SMARCA2: variants seen among roughly 807,000 people sequenced by gnomAD.
SMARCA2 encodes SWI/SNF-related matrix-associated actin-dependent regulator of chromatin subfamily A member 2.
In SMARCA2, 61 loss-of-function variants were observed where a neutral mutation model predicts 199.8. That is an observed-to-expected ratio of 0.31 (90% CI 0.25 to 0.38). The LOEUF (loss-of-function observed/expected upper bound fraction) is 0.38, where lower values mean the gene tolerates loss of function less well. SMARCA2 is among the 10% of genes least tolerant of loss of function. The pLI is 1.00. For synonymous variants in SMARCA2, 935 were observed against 732.0 expected (o/e 1.28, Z -4.48); for missense variants, 1,344 against 2,012.2 (o/e 0.67, Z 6.35).
In SMARCA2 at chr9:2,115,518, T is replaced by C. The variant is rs946826686; in HGVS notation, c.3457-304T>C. 6.6e-6 allele frequency among the ~76,000 whole-genome samples: 1 copy of C among 152,222 alleles called. No homozygotes were observed. The highest frequency in any genetic ancestry group is 1.5e-5 in the Non-Finnish European group (1 of 68,030). ...CATTGGACATTGGTGTCTTGTTTAATGTTTTAGATATGGACTAAATCTGAT... is the reference window on the plus strand; with the variant it reads ...CATTGGACATTGGTGTCTTGTTTAACGTTTTAGATATGGACTAAATCTGAT... On this transcript the variant is annotated intron_variant, in intron 24 of 33. Coordinates refer to ENST00000349721, the MANE Select transcript of SMARCA2 (RefSeq NM_003070.5). This position sits in a 1 kb window ranked among gnomAD's most constrained non-coding sequence, Gnocchi z 6.0.
At chr9:2,087,181 T>C (rs1821837059) in intron 18 of SMARCA2, 110 bp downstream of exon 18, 8 of 1,349,398 alleles carry the variant, frequency 5.9e-6, no homozygotes, top group Non-Finnish European at 7.2e-6. Flanking sequence ...GTTTCCACTG[T>C]TGTTTATTTT....
At chr9:2,045,271 C>G (rs1273625721) in intron 4 of SMARCA2, 1 of 152,198 alleles carries the variant, frequency 6.6e-6, no homozygotes, top group Non-Finnish European at 1.5e-5. Context: ...ATTTAGCATG[C>G]TTATAGCAAG....
intron 3 of SMARCA2, among the ~76,000 whole-genome samples, chr9:2,036,144 A>G (rs1199707268): frequency 4.6e-5 from 7 of 152,124 alleles, no homozygotes; most frequent in African/African-American, 1.7e-4. Context: ...TCCATTGGAT[A>G]GAAACCCTTC....
intron 4 of SMARCA2, among the ~76,000 whole-genome samples, chr9:2,046,346 C>G (rs1586643356): frequency 6.6e-6 from 1 of 152,150 alleles, no homozygotes; most frequent in Non-Finnish European, 1.5e-5. Flanking sequence ...AATCAATGCA[C>G]TTTGACAAGC....
intron 27 of SMARCA2, among the ~76,000 whole-genome samples, chr9:2,153,539 TAAAGC>T (rs997271440): frequency 1.3e-5 from 2 of 152,064 alleles, no homozygotes; most frequent in Non-Finnish European, 2.9e-5. Context: ...CCGTCTAGAA[TAAAGC>T]AAAGCAAAGC....
intron 10 of SMARCA2, 100 bp downstream of exon 10, chr9:2,070,571 C>T (rs2130413081): frequency 1.2e-6 from 1 of 815,392 alleles, no homozygotes; most frequent in Admixed American, 2.4e-5. Context: ...TCTTACTGTG[C>T]TATTTATTTT....
chr9:2,139,224 T>C (rs749133177), intron 27 of SMARCA2, among the ~76,000 whole-genome samples: 5 of 152,186 alleles, frequency 3.3e-5, no homozygotes, highest in East Asian at 1.9e-4. Context: ...AAGAGTTTAA[T>C]TGACGTGAGG....
At chr9:2,158,891 G>A in intron 27 of SMARCA2, 2 of 1,586,766 alleles carry the variant, frequency 1.3e-6, no homozygotes, top group Admixed American at 1.7e-5. Flanking sequence ...CACTGCATAT[G>A]GATGTGTTTG....
At chr9:2,028,914 C>A in intron 1 of SMARCA2, 73 bp from the exon 2 acceptor site, 1 of 1,262,304 alleles carries the variant, frequency 7.9e-7, no homozygotes, top group Non-Finnish European at 1.1e-6. Flanking sequence ...CCATCAAATG[C>A]TAACAATTGT....
At chr9:2,099,293 C>T (rs1563767447) in intron 21 of SMARCA2, among the ~76,000 whole-genome samples, 1 of 152,120 alleles carries the variant, frequency 6.6e-6, no homozygotes, top group East Asian at 1.9e-4. Context: ...CTTAGTCTAA[C>T]CTGTTACCCA....
chr9:2,140,152 C>G (rs1355533287), intron 27 of SMARCA2, among the ~76,000 whole-genome samples: 1 of 152,224 alleles, frequency 6.6e-6, no homozygotes, highest in African/African-American at 2.4e-5. Flanking sequence ...GTACTCTCAT[C>G]AAGAAGTCAC....
intron 27 of SMARCA2, among the ~76,000 whole-genome samples, chr9:2,141,514 G>A (rs912212531): frequency 1.3e-5 from 2 of 152,066 alleles, no homozygotes; most frequent in Admixed American, 1.3e-4. Flanking sequence ...TTATTTAATA[G>A]CCTGTAGCAT....
chr9:2,175,820 G>A (rs1414444040), intron 29 of SMARCA2, among the ~76,000 whole-genome samples: 3 of 151,784 alleles, frequency 2.0e-5, no homozygotes, highest in South Asian at 2.1e-4. Context: ...AATCCTTGTT[G>A]AGGTTGAAGT....
At chr9:2,183,552 G>A (rs1586809683) in intron 31 of SMARCA2, among the ~76,000 whole-genome samples, 2 of 152,216 alleles carry the variant, frequency 1.3e-5, no homozygotes, top group African/African-American at 4.8e-5. Flanking sequence ...CTCAACCAAT[G>A]CAGTGTCAAG....
chr9:2,166,254 G>A (rs1397615410), intron 28 of SMARCA2, among the ~76,000 whole-genome samples: 7 of 152,008 alleles, frequency 4.6e-5, no homozygotes, highest in Middle Eastern at 3.2e-3. Flanking sequence ...AAAACATGGC[G>A]CCCAGAACTC....
intron 9 of SMARCA2, among the ~76,000 whole-genome samples, chr9:2,062,976 A>T (rs1820669937): frequency 6.6e-6 from 1 of 152,174 alleles, no homozygotes; most frequent in Non-Finnish European, 1.5e-5. Flanking sequence ...ATAGTTGTCA[A>T]AGCAGCTACT....
chr9:2,108,375 A>G (rs1324267567), intron 23 of SMARCA2, among the ~76,000 whole-genome samples: 1 of 152,248 alleles, frequency 6.6e-6, no homozygotes, highest in Non-Finnish European at 1.5e-5. Context: ...AAGAGAAAAC[A>G]AAAATAACAA....
chr9:2,132,372 C>G (rs1404717615), intron 27 of SMARCA2, among the ~76,000 whole-genome samples: 1 of 152,184 alleles, frequency 6.6e-6, no homozygotes, highest in African/African-American at 2.4e-5. Context: ...TCACTCAGCT[C>G]TGTTTCTCCT....
intron 27 of SMARCA2, among the ~76,000 whole-genome samples, chr9:2,155,428 A>G (rs1460178769): frequency 1.3e-5 from 2 of 151,980 alleles, no homozygotes; most frequent in Non-Finnish European, 2.9e-5. Context: ...GACTACAGGC[A>G]CGTGCCACCA....
Sources: gnomAD v4.1 joint callset for allele counts (sites outside exome capture counted in the v4.1 genomes callset) on GRCh38, gnomAD v4.1.1 for gene constraint, Gnocchi (gnomAD v3.1) non-coding constraint, MANE v1.5 for transcripts, NCBI Gene and HGNC (gene_info 2026-07-23, HGNC 2026-07-21) for gene names.